PPP4R3B: variants seen among roughly 807,000 people sequenced by gnomAD.
PPP4R3B encodes protein phosphatase 4 regulatory subunit 3B, also known as serine/threonine-protein phosphatase 4 regulatory subunit 3B.
Under a neutral mutation model 95.4 loss-of-function variants are expected in PPP4R3B, and 52 were observed. The ratio of observed to expected loss-of-function variants is 0.54; its 90% CI spans 0.44 to 0.69. The LOEUF is 0.69. PPP4R3B is among the 30% of genes least tolerant of loss of function. The pLI is 0.00. For synonymous variants in PPP4R3B, 407 were observed against 343.9 expected (o/e 1.18, Z -2.03); for missense variants, 1,003 against 1,005.9 (o/e 1.00, Z 0.04).
intron 3 of PPP4R3B, among the ~76,000 whole-genome samples, chr2:55,601,671 C>T (rs866905660): frequency 1.2e-4 from 19 of 152,088 alleles, no homozygotes; most frequent in African/African-American, 3.1e-4. Flanking sequence ...TGAGCCACTG[C>T]GCCCAGACCC....
At chr2:55,584,594 G>A (rs181113113) in intron 7 of PPP4R3B, among the ~76,000 whole-genome samples, 7 of 152,164 alleles carry the variant, frequency 4.6e-5, no homozygotes, top group East Asian at 1.9e-4. Flanking sequence ...GAGAACATAC[G>A]ATGTTTGGTT....
chr2:55,553,248 CG>C (rs1374345963), intron 16 of PPP4R3B, among the ~76,000 whole-genome samples: 1 of 152,164 alleles, frequency 6.6e-6, no homozygotes, highest in Non-Finnish European at 1.5e-5. Flanking sequence ...TGAGCAGACA[CG>C]CCTACCCCAC....
intron 2 of PPP4R3B, among the ~76,000 whole-genome samples, chr2:55,604,657 A>T (rs750394622): frequency 2.2e-4 from 34 of 152,130 alleles, no homozygotes; most frequent in Non-Finnish European, 4.3e-4. Flanking sequence ...GGGTGTAGAA[A>T]AATTAGCCCA....
chr2:55,593,635 G>T (rs1048245011), intron 4 of PPP4R3B, among the ~76,000 whole-genome samples: 5 of 152,300 alleles, frequency 3.3e-5, no homozygotes, highest in African/African-American at 1.2e-4. Flanking sequence ...GCCAGGTGTG[G>T]TGGTTCACAT....
Position 55,570,713 on chromosome 2 carries a change from C to T in PPP4R3B, c.1766-2350G>A, listed in dbSNP as rs1687887940. ...AACTCATTAAACAAAGAACTTGTGC[C>T]TGTCACAAGAGGTTCTAAACATTAT... On this transcript the variant is annotated intron_variant, in intron 12 of 16. Transcript: ENST00000616407. Among the ~76,000 whole-genome samples, 3 of 152,154 alleles carry T rather than the reference C, an allele frequency of 2.0e-5. No individual in the cohort carries two copies. The South Asian group carries it at 6.2e-4, about 31-fold the overall frequency.
intron 12 of PPP4R3B, among the ~76,000 whole-genome samples, chr2:55,570,060 G>A (rs1407207303): frequency 5.9e-5 from 9 of 152,082 alleles, no homozygotes; most frequent in Admixed American, 5.9e-4. Flanking sequence ...GACAAGCCTG[G>A]CCAACATGGT....
Position 55,577,347 on chromosome 2 carries a change from A to G in PPP4R3B, c.1574T>C (p.Val525Ala). ...AATTGTGTTGTTTTTGTTTGATCCA[A>G]CTATATTATCTAATAAAAAAATTAA... ...PSSSISQDNI[V>A]GSNKNNTICP... The change falls in exon 11 of 17, where the codon GTT becomes GCT. Residue 525 changes from valine (V) to alanine (A), a missense_variant. By Grantham distance (64) the Val-to-Ala change is moderately conservative. Transcript: ENST00000616407. The G allele has an allele frequency of 6.5e-7, 1 of 1,538,918 alleles. No individual in the cohort carries two copies. Among genetic ancestry groups the G allele is most frequent in the Non-Finnish European group, 8.7e-7 (1 of 1,147,986 alleles).
At chr2:55,591,855 T>A (rs1384058200) in intron 4 of PPP4R3B, among the ~76,000 whole-genome samples, 5 of 152,172 alleles carry the variant, frequency 3.3e-5, no homozygotes, top group Admixed American at 6.5e-5. Flanking sequence ...AGGAAGCAAA[T>A]AATCAATAAC....
intron 6 of PPP4R3B, among the ~76,000 whole-genome samples, chr2:55,586,055 C>T (rs1301218856): frequency 6.6e-6 from 1 of 151,970 alleles, no homozygotes; most frequent in South Asian, 2.1e-4. Context: ...AAAAACGGTA[C>T]TCTTTTCACT....
intron 6 of PPP4R3B, 60 bp downstream of exon 6, chr2:55,586,558 T>C (rs1286128318): frequency 2.1e-6 from 2 of 937,938 alleles, no homozygotes; most frequent in Admixed American, 2.1e-5. Context: ...TTCCCATCCA[T>C]AACATAAGTG....
intron 7 of PPP4R3B, among the ~76,000 whole-genome samples, chr2:55,582,872 G>T (rs138414345): frequency 9.9e-5 from 15 of 152,030 alleles, no homozygotes; most frequent in African/African-American, 3.4e-4. Flanking sequence ...ATCCAGTCAG[G>T]TTCTGCAAGT....
intron 5 of PPP4R3B, among the ~76,000 whole-genome samples, chr2:55,587,676 A>G (rs1350314352): frequency 2.6e-5 from 4 of 152,232 alleles, no homozygotes; most frequent in Non-Finnish European, 5.9e-5. Flanking sequence ...ATGCCAGGTA[A>G]TAAATTTGTT....
intron 5 of PPP4R3B, 98 bp from the exon 6 acceptor site, chr2:55,586,832 G>T (rs1690210146): frequency 3.2e-6 from 2 of 625,814 alleles, no homozygotes. Context: ...CCTTCTGAAG[G>T]ATCTCATCTT....
Position 55,573,688 on chromosome 2 carries a change from T to C in PPP4R3B, c.1696A>G (p.Ile566Val), listed in dbSNP as rs755958980. 3.9e-6 allele frequency: 6 copies of C among 1,546,440 alleles called. No individual in the cohort carries two copies. The highest frequency in any genetic ancestry group is 1.2e-5 in the South Asian group (1 of 82,394). Residue 566 changes from isoleucine (I) to valine (V), a missense_variant, in exon 12 of 17, where the codon ATT becomes GTT. By Grantham distance (29) the Ile-to-Val change is conservative. This residue lies in a region of PPP4R3B where 695 missense variants were observed against 686.2 expected (regional missense o/e 1.01). Coordinates refer to ENST00000616407, the MANE Select transcript of PPP4R3B (RefSeq NM_001122964.3). Reference sequence around the variant, plus strand: ...CTTCTTAGCAAGTCCTTGTTCATAATATAGTTTTTTATGTGATATGTGTGA... The same window carrying C: ...CTTCTTAGCAAGTCCTTGTTCATAACATAGTTTTTTATGTGATATGTGTGA... ...EHHTYHIKNY[I>V]MNKDLLRRVL...
At chr2:55,574,597 CTTT>C (rs879382361) in intron 11 of PPP4R3B, among the ~76,000 whole-genome samples, 2 of 143,072 alleles carry the variant, frequency 1.4e-5, no homozygotes, top group African/African-American at 2.5e-5. Context: ...CATCAAGATT[CTTT>C]TTTTTTTTTT....
intron 13 of PPP4R3B, among the ~76,000 whole-genome samples, chr2:55,567,374 G>A (rs1181642468): frequency 6.6e-6 from 1 of 151,980 alleles, no homozygotes; most frequent in South Asian, 2.1e-4. Flanking sequence ...TAAAATTCTA[G>A]GATTCCATCC....
At chr2:55,572,139 T>G (rs890370673) in intron 12 of PPP4R3B, among the ~76,000 whole-genome samples, 1 of 152,112 alleles carries the variant, frequency 6.6e-6, no homozygotes, top group Non-Finnish European at 1.5e-5. Flanking sequence ...AAAACAAATT[T>G]CACATGTGTT....
At chr2:55,575,277 T>C (rs532756293) in intron 11 of PPP4R3B, among the ~76,000 whole-genome samples, 22 of 151,386 alleles carry the variant, frequency 1.5e-4, no homozygotes, top group African/African-American at 5.4e-4. Flanking sequence ...ACGATGTCCA[T>C]AGAGAGGGAC....
At chr2:55,550,149 T>C in intron 16 of PPP4R3B, 143 bp from the exon 17 acceptor site, 1 of 634,890 alleles carries the variant, frequency 1.6e-6, no homozygotes, top group Non-Finnish European at 2.7e-6. Flanking sequence ...ATAAAGGAAC[T>C]GCTTGAAATT....
Sources: allele counts gnomAD v4.1 joint callset (sites outside exome capture counted in the v4.1 genomes callset), GRCh38; gene constraint gnomAD v4.1.1; regional missense constraint gnomAD v4.1.1; transcripts MANE v1.5; gene names NCBI Gene and HGNC (gene_info 2026-07-23, HGNC 2026-07-21).